LIMS1: variants seen among roughly 807,000 people sequenced by gnomAD.
LIMS1 encodes LIM and senescent cell antigen-like-containing domain protein 1.
In LIMS1, 18 loss-of-function variants were observed where a neutral mutation model predicts 44.1. The ratio of observed to expected loss-of-function variants is 0.41; its 90% CI spans 0.28 to 0.61. The LOEUF (loss-of-function observed/expected upper bound fraction) is 0.61. Ranked by LOEUF, LIMS1 falls within the 20% of genes least tolerant of loss-of-function variation. LIMS1 has a pLI of 0.32. For synonymous variants in LIMS1, 93 were observed against 149.1 expected (o/e 0.62, Z 2.74); for missense variants, 201 against 422.0 (o/e 0.48, Z 4.59).
At chr2:108,682,523 TA>T in intron 9 of LIMS1, among the ~76,000 whole-genome samples, 1 of 151,754 alleles carries the variant, frequency 6.6e-6, no homozygotes, top group East Asian at 1.9e-4. Flanking sequence ...TAAAAAAGAT[TA>T]AAACTGGAAA....
intron 1 of LIMS1, among the ~76,000 whole-genome samples, chr2:108,636,248 T>C (rs1689242310): frequency 1.3e-5 from 2 of 152,188 alleles, no homozygotes; most frequent in Non-Finnish European, 2.9e-5. Flanking sequence ...TCCTTTCCAA[T>C]ACCAGAGAAG....
At chr2:108,606,476 C>A (rs1477926481) in intron 1 of LIMS1, among the ~76,000 whole-genome samples, 2 of 152,118 alleles carry the variant, frequency 1.3e-5, no homozygotes, top group Non-Finnish European at 2.9e-5. Flanking sequence ...TGTGTGTATA[C>A]GTTAGTAAGA....
intron 5 of LIMS1, 33 bp from the exon 6 acceptor site, chr2:108,675,845 T>C (rs1314520340): frequency 8.1e-6 from 13 of 1,613,844 alleles, no homozygotes; most frequent in South Asian, 2.2e-5. Flanking sequence ...TTTTCTCTCT[T>C]AGTATTAAGC....
chr2:108,661,673 C>T (rs1032141675), intron 2 of LIMS1, among the ~76,000 whole-genome samples: 21 of 152,188 alleles, frequency 1.4e-4, no homozygotes, highest in African/African-American at 3.4e-4. Flanking sequence ...GAAGAGAGGG[C>T]GTTTGCTGGT....
intron 1 of LIMS1, among the ~76,000 whole-genome samples, chr2:108,563,350 T>C (rs564078338): frequency 6.6e-6 from 1 of 152,338 alleles, no homozygotes; most frequent in African/African-American, 2.4e-5. Flanking sequence ...ATGAAAACCT[T>C]CTGAAAAAGA....
chr2:108,635,429 T>TA (rs70956264), intron 1 of LIMS1, among the ~76,000 whole-genome samples: 66,162 of 86,554 alleles, frequency 0.76, 26,144 homozygotes, highest in East Asian at 0.95. Flanking sequence ...ACTTCATCTC[T>TA]AAAAAAAAAA....
chr2:108,630,411 A>G (rs1161523978), intron 1 of LIMS1, among the ~76,000 whole-genome samples: 3 of 152,100 alleles, frequency 2.0e-5, no homozygotes, highest in Admixed American at 6.5e-5. Context: ...ATTTGTTTCA[A>G]AATATTTTAT....
At chr2:108,643,558 C>A (rs533966607) in intron 1 of LIMS1, among the ~76,000 whole-genome samples, 1 of 150,876 alleles carries the variant, frequency 6.6e-6, no homozygotes. Flanking sequence ...CAAAACTGGG[C>A]GGCCTTTAGG....
At chr2:108,668,920 C>G (rs576440063) in intron 2 of LIMS1, among the ~76,000 whole-genome samples, 2 of 152,108 alleles carry the variant, frequency 1.3e-5, no homozygotes, top group Non-Finnish European at 2.9e-5. Context: ...TTATTCTCTT[C>G]TGTTAATAAA....
At chr2:108,539,848 C>T (rs1221683330) in intron 1 of LIMS1, among the ~76,000 whole-genome samples, 2 of 152,142 alleles carry the variant, frequency 1.3e-5, no homozygotes, top group African/African-American at 2.4e-5. Context: ...TGGCACCTAA[C>T]ATGGTTGCTT....
intron 1 of LIMS1, among the ~76,000 whole-genome samples, chr2:108,589,364 G>A (rs1686264377): frequency 2.0e-5 from 3 of 152,072 alleles, no homozygotes; most frequent in African/African-American, 7.2e-5. Flanking sequence ...TCCTCTTGAG[G>A]TATTTTGAGA....
intron 1 of LIMS1, among the ~76,000 whole-genome samples, chr2:108,535,174 C>T (rs1050934774): frequency 2.6e-5 from 4 of 152,202 alleles, no homozygotes; most frequent in African/African-American, 9.7e-5. Flanking sequence ...GAGACAACTA[C>T]GTTCTCCCAT....
chr2:108,642,485 G>A (rs1036993202), intron 1 of LIMS1, among the ~76,000 whole-genome samples: 8 of 150,292 alleles, frequency 5.3e-5, no homozygotes, highest in Non-Finnish European at 7.4e-5. Context: ...TCAGCCTCCC[G>A]AGTAGCTGGG....
chr2:108,559,100 T>C (rs1193413004), intron 1 of LIMS1, among the ~76,000 whole-genome samples: 1 of 152,216 alleles, frequency 6.6e-6, no homozygotes, highest in Admixed American at 6.5e-5. Context: ...CTCACACTAA[T>C]ATCACTTCCA....
chr2:108,543,971 A>C (rs1199680241), intron 1 of LIMS1, among the ~76,000 whole-genome samples: 2 of 152,106 alleles, frequency 1.3e-5, no homozygotes, highest in Non-Finnish European at 2.9e-5. Flanking sequence ...TGAGCCTGGG[A>C]GGTTGAGTCT....
intron 1 of LIMS1, among the ~76,000 whole-genome samples, chr2:108,644,926 A>C (rs1689959421): frequency 1.3e-5 from 2 of 151,994 alleles, no homozygotes; most frequent in African/African-American, 2.4e-5. Context: ...TCAATGAAAT[A>C]AAGCGTGAAG....
chr2:108,676,523 T>C (rs62151380), intron 6 of LIMS1, 83 bp from the exon 7 acceptor site: 568,441 of 1,469,090 alleles, frequency 0.39, 118,155 homozygotes, highest in East Asian at 0.84. Context: ...TCATCTTCTC[T>C]GAAAATAGGT....
At chr2:108,672,165 C>CAAA (rs559219796) in intron 3 of LIMS1, among the ~76,000 whole-genome samples, 160 bp from the exon 4 acceptor site, 5 of 56,802 alleles carry the variant, frequency 8.8e-5, no homozygotes, top group African/African-American at 2.3e-4. Flanking sequence ...GAAACTGTCT[C>CAAA]AAAAAAAAAA....
At chr2:108,657,306 G>A (rs1417390843) in intron 1 of LIMS1, among the ~76,000 whole-genome samples, 1 of 152,152 alleles carries the variant, frequency 6.6e-6, no homozygotes, top group African/African-American at 2.4e-5. Context: ...TATTCTTTTT[G>A]GGCTTTTTTA....
Sources: gnomAD v4.1 joint callset for allele counts (sites outside exome capture counted in the v4.1 genomes callset) on GRCh38, gnomAD v4.1.1 for gene constraint, MANE v1.5 for transcripts, NCBI Gene and HGNC (gene_info 2026-07-23, HGNC 2026-07-21) for gene names.